The following DUSP29 variants were observed in gnomAD, a reference collection of about 807,000 sequenced individuals.
The protein encoded by DUSP29 is dual specificity phosphatase 29.
In DUSP29, 12 loss-of-function variants were observed where a neutral mutation model predicts 13.5. The ratio of observed to expected loss-of-function variants is 0.89; its 90% confidence interval spans 0.57 to 1.44. The LOEUF (loss-of-function observed/expected upper bound fraction) is 1.44, where lower values mean the gene tolerates loss of function less well. DUSP29 is among the 40% of genes most tolerant of loss of function. DUSP29 has a pLI of 0.00. For synonymous variants in DUSP29, 134 were observed against 128.7 expected, an observed-to-expected ratio of 1.04 and a Z score of -0.28; for missense variants, 308 against 301.1, an observed-to-expected ratio of 1.02 and a Z score of -0.17.
At chr10:75,041,971 G>C (rs911382153) in intron 3 of DUSP29, among the ~76,000 whole-genome samples, 4 of 152,206 alleles carry the variant, frequency 2.6e-5, no homozygotes, top group African/African-American at 9.6e-5. Context: ...TTTCATGTGA[G>C]TATATCTTAC....
intron 2 of DUSP29, among the ~76,000 whole-genome samples, chr10:75,052,907 C>T (rs1472297448): frequency 3.9e-5 from 6 of 152,238 alleles, no homozygotes; most frequent in African/African-American, 1.4e-4. Flanking sequence ...GAGGCTTTGG[C>T]GTGGACTTGC....
Position 75,043,888 on chromosome 10 carries a change from G to A in DUSP29, c.330C>T (p.Gly110=), listed in dbSNP as rs1846645101. The A allele has an allele frequency of 6.2e-7, 1 of 1,614,060 alleles. No homozygotes were observed. Among genetic ancestry groups the A allele is most frequent in the East Asian group, 2.2e-5 (1 of 44,882 alleles). ...AGGTGGGCAGGTCGTCGGCCTCCACGCCGTGGTACTGGATGTCCATGTCGC... is the reference window on the plus strand; with the variant it reads ...AGGTGGGCAGGTCGTCGGCCTCCACACCGTGGTACTGGATGTCCATGTCGC... ...YYRDMDIQYH[G]VEADDLPTFD... The change falls in exon 3 of 4, where the codon GGC becomes GGT. Residue 110 remains glycine (G), a synonymous_variant. Transcript: ENST00000338487.
chr10:75,045,634 A>G (rs1242890932), intron 2 of DUSP29, among the ~76,000 whole-genome samples: 1 of 152,208 alleles, frequency 6.6e-6, no homozygotes, highest in Non-Finnish European at 1.5e-5. Context: ...GGCAGAGGGA[A>G]CAACTGCTGA....
At position 75,067,948 on chromosome 10, in the gene DUSP29, G is replaced by A. The variant is rs527253864; in HGVS notation, c.-35+5621C>T. Among the ~76,000 whole-genome samples, 7 of 152,208 alleles carry A rather than the reference G, an allele frequency of 4.6e-5. No homozygotes were observed. In the South Asian group the frequency reaches 1.2e-3, roughly 27 times the overall value. On this transcript the variant is annotated intron_variant, in intron 1 of 3. Transcript: ENST00000338487. Reference sequence around the variant, plus strand: ...CTGCCTCAGCCTCCAGGGTAGCTGGGATTACAGGCGCTCACCATCCCGCCC... The same window carrying A: ...CTGCCTCAGCCTCCAGGGTAGCTGGAATTACAGGCGCTCACCATCCCGCCC...
intron 2 of DUSP29, among the ~76,000 whole-genome samples, chr10:75,058,066 AC>A (rs1847000688): frequency 6.6e-6 from 1 of 152,128 alleles, no homozygotes; most frequent in African/African-American, 2.4e-5. Context: ...GTCCCTGATG[AC>A]CCTGCAGTGG....
At chr10:75,044,354 C>T (rs561051681) in intron 2 of DUSP29, among the ~76,000 whole-genome samples, 1 of 152,256 alleles carries the variant, frequency 6.6e-6, no homozygotes, top group African/African-American at 2.4e-5. Context: ...GCCAAATCGC[C>T]TGAAAGCCCT....
chr10:75,044,457 A>C (rs1043139938), intron 2 of DUSP29, among the ~76,000 whole-genome samples: 4 of 152,056 alleles, frequency 2.6e-5, no homozygotes, highest in African/African-American at 9.7e-5. Flanking sequence ...CGCTCAACTG[A>C]ATGGTTTAAA....
chr10:75,072,685 C>T (rs1564648225), intron 1 of DUSP29, among the ~76,000 whole-genome samples: 1 of 152,078 alleles, frequency 6.6e-6, no homozygotes, highest in African/African-American at 2.4e-5. Context: ...TGCTGGCGGC[C>T]GTGAGTGTGG....
At position 75,043,957 on chromosome 10, in the gene DUSP29, C is replaced by G; in HGVS notation, c.261G>C (p.Ala87=). The change falls in exon 3 of 4, where the codon GCG becomes GCC. Residue 87 remains alanine, a synonymous_variant. Coordinates refer to ENST00000338487, the MANE Select transcript of DUSP29 (RefSeq NM_001003892.3). The part of the protein sequence containing the change: ...QKAGFTHVLN[A]AHGRWNVDTG... Reference sequence around the variant, plus strand: ...TGTCCACGTTCCAGCGGCCGTGGGCCGCGTTCAGCACGTGCGTGAACCCCG... The same window carrying G: ...TGTCCACGTTCCAGCGGCCGTGGGCGGCGTTCAGCACGTGCGTGAACCCCG... 6.2e-7 allele frequency: 1 copy of G among 1,613,416 alleles called. No homozygotes were observed. Among genetic ancestry groups the G allele is most frequent in the Non-Finnish European group, 8.5e-7 (1 of 1,179,918 alleles).
intron 1 of DUSP29, among the ~76,000 whole-genome samples, chr10:75,061,323 G>C (rs1341884575): frequency 6.6e-6 from 1 of 152,202 alleles, no homozygotes; most frequent in Non-Finnish European, 1.5e-5. Flanking sequence ...CTAGCCATGA[G>C]TGTCTGTAGG....
chr10:75,066,516 C>A (rs1847204727), intron 1 of DUSP29, among the ~76,000 whole-genome samples: 1 of 152,020 alleles, frequency 6.6e-6, no homozygotes, highest in Middle Eastern at 3.2e-3. Context: ...GCTACATGCT[C>A]GTTTTAGGGT....
intron 1 of DUSP29, among the ~76,000 whole-genome samples, chr10:75,072,925 G>A (rs1847364713): frequency 6.6e-6 from 1 of 151,720 alleles, no homozygotes; most frequent in Admixed American, 6.6e-5. Flanking sequence ...GGCCCATCCC[G>A]CCTCCTGCCC....
chr10:75,059,277 CAG>C (rs1256150694), intron 1 of DUSP29, among the ~76,000 whole-genome samples: 1 of 152,148 alleles, frequency 6.6e-6, no homozygotes, highest in Admixed American at 6.5e-5. Flanking sequence ...TAGGCTCTGC[CAG>C]TGGAATGTGG....
chr10:75,041,129 C>G (rs1008209229), intron 3 of DUSP29, among the ~76,000 whole-genome samples: 1 of 152,114 alleles, frequency 6.6e-6, no homozygotes, highest in Non-Finnish European at 1.5e-5. Context: ...CAAGTAGGTC[C>G]AGCACTAAAA....
At chr10:75,066,958 CTTTTTT>C (rs61298475) in intron 1 of DUSP29, among the ~76,000 whole-genome samples, 12 of 139,588 alleles carry the variant, frequency 8.6e-5, no homozygotes, top group African/African-American at 3.2e-4. Flanking sequence ...TTTTCTTTTT[CTTTTTT>C]TTTTTTTCTT....
intron 2 of DUSP29, among the ~76,000 whole-genome samples, chr10:75,044,958 G>T (rs886747419): frequency 1.3e-5 from 2 of 152,210 alleles, no homozygotes; most frequent in Non-Finnish European, 2.9e-5. Context: ...GACAACGAAG[G>T]CCTTTCAGGA....
intron 2 of DUSP29, among the ~76,000 whole-genome samples, chr10:75,052,756 A>C (rs2134291552): frequency 6.6e-6 from 1 of 152,310 alleles, no homozygotes. Flanking sequence ...CTGGCCAACT[A>C]TTCTTCAAGT....
intron 2 of DUSP29, among the ~76,000 whole-genome samples, chr10:75,044,587 G>A (rs1026624460): frequency 6.6e-6 from 1 of 152,206 alleles, no homozygotes; most frequent in African/African-American, 2.4e-5. Flanking sequence ...GCAGAGCATT[G>A]TTCTGAGAAG....
At chr10:75,058,695 C>T (rs552826433) in intron 1 of DUSP29, among the ~76,000 whole-genome samples, 147 bp from the exon 2 acceptor site, 1 of 152,300 alleles carries the variant, frequency 6.6e-6, no homozygotes, top group South Asian at 2.1e-4. Flanking sequence ...TCTTCCCAGG[C>T]CACACAGGTA....
Sources: allele counts gnomAD v4.1 joint callset (sites outside exome capture counted in the v4.1 genomes callset), GRCh38; gene constraint gnomAD v4.1.1; transcripts MANE v1.5; gene names NCBI Gene and HGNC (gene_info 2026-07-23, HGNC 2026-07-21).